The following PTPRK variants were observed in gnomAD, a reference collection of about 807,000 sequenced individuals.
The protein encoded by PTPRK is protein tyrosine phosphatase receptor type K.
PTPRK carries 75 observed loss-of-function variants against 178.0 expected under a neutral mutation model. That is an observed-to-expected ratio of 0.42 (90% confidence interval 0.35 to 0.51). The LOEUF is 0.51. Among genes scored for constraint, PTPRK ranks in the 20% least tolerant of loss-of-function variants. The pLI, the probability that PTPRK is intolerant of heterozygous loss-of-function variation, is 0.02. For synonymous variants in PTPRK, 637 were observed against 620.6 expected (o/e 1.03, Z -0.39); for missense variants, 1,441 against 1,797.8 (o/e 0.80, Z 3.59).
intron 13 of PTPRK, chr6:128,063,408 G>T (rs1781205585): frequency 6.6e-6 from 1 of 152,096 alleles, no homozygotes; most frequent in Admixed American, 6.5e-5. Context: ...GAATAAAAAA[G>T]TTATGTTAGG....
At chr6:128,478,423 T>G (rs1851645433) in intron 1 of PTPRK, among the ~76,000 whole-genome samples, 1 of 152,138 alleles carries the variant, frequency 6.6e-6, no homozygotes, top group African/African-American at 2.4e-5. Context: ...GGAACTGCTC[T>G]AACCTTCTTT....
chr6:128,210,284 C>G (rs1052982126), intron 6 of PTPRK, among the ~76,000 whole-genome samples: 1 of 151,752 alleles, frequency 6.6e-6, no homozygotes, highest in Non-Finnish European at 1.5e-5. Context: ...ATCTTTGAGA[C>G]CATTCTCTTG....
rs560286671 is a variant in PTPRK, at chr6:128,101,060, G to A, written c.1163-11068C>T. ...CCTTTGTTTCCATAAATATGTCCTG[G>A]TAGGGCTACATTTTGAAGTATTATG... On this transcript the variant is annotated intron_variant, in intron 7 of 29. Transcript: ENST00000368226. Among the ~76,000 whole-genome samples the A allele has an allele frequency of 6.1e-4, 92 of 152,012 alleles. 1 individual carries two copies. The highest frequency in any genetic ancestry group is 2.1e-3 in the African/African-American group (88 of 41,512).
At chr6:128,289,702 GCCACCGTAATATA>G (rs1823062601) in intron 3 of PTPRK, among the ~76,000 whole-genome samples, 1 of 151,846 alleles carries the variant, frequency 6.6e-6, no homozygotes, top group Admixed American at 6.6e-5. Context: ...TTTGACCTTT[GCCACCGTAATATA>G]CTTTATGGAG....
chr6:128,457,991 T>C (rs1434683242), intron 1 of PTPRK, among the ~76,000 whole-genome samples: 2 of 152,128 alleles, frequency 1.3e-5, no homozygotes, highest in Non-Finnish European at 2.9e-5. Context: ...TTTCCACATG[T>C]ACTGCCCTCA....
intron 7 of PTPRK, among the ~76,000 whole-genome samples, chr6:128,162,735 A>T (rs913007777): frequency 6.6e-6 from 1 of 151,694 alleles, no homozygotes; most frequent in African/African-American, 2.4e-5. Flanking sequence ...TATTGATAAG[A>T]TCTGTAGAGA....
chr6:128,466,719 A>C (rs1849891069), intron 1 of PTPRK, among the ~76,000 whole-genome samples: 1 of 152,232 alleles, frequency 6.6e-6, no homozygotes. Flanking sequence ...GGCTCATTTT[A>C]ATTGAATATA....
chr6:128,001,285 C>A, intron 15 of PTPRK: 1 of 1,136,404 alleles, frequency 8.8e-7, no homozygotes, highest in South Asian at 1.5e-5. Flanking sequence ...CCTTTTAAAT[C>A]AGTAAGTATT....
At chr6:128,375,716 T>G (rs2128352055) in intron 2 of PTPRK, among the ~76,000 whole-genome samples, 1 of 152,286 alleles carries the variant, frequency 6.6e-6, no homozygotes, top group Admixed American at 6.5e-5. Context: ...ACAAGGAAAG[T>G]TCCTTCCATC....
At chr6:128,105,458 G>C (rs1366416662) in intron 7 of PTPRK, among the ~76,000 whole-genome samples, 1 of 152,140 alleles carries the variant, frequency 6.6e-6, no homozygotes, top group Non-Finnish European at 1.5e-5. Context: ...CTTATTCAGT[G>C]CTAAGTGTAG....
chr6:128,231,258 G>A (rs1332638843), intron 5 of PTPRK, among the ~76,000 whole-genome samples: 1 of 152,072 alleles, frequency 6.6e-6, no homozygotes, highest in African/African-American at 2.4e-5. Context: ...TATACCAATG[G>A]CCCAATGAAA....
At chr6:128,040,043 A>G (rs1776909627) in intron 13 of PTPRK, among the ~76,000 whole-genome samples, 1 of 152,200 alleles carries the variant, frequency 6.6e-6, no homozygotes, top group Admixed American at 6.6e-5. Flanking sequence ...ATCATCGCTA[A>G]GAAGTACTGT....
At chr6:128,455,638 T>A (rs1373001318) in intron 1 of PTPRK, among the ~76,000 whole-genome samples, 1 of 152,180 alleles carries the variant, frequency 6.6e-6, no homozygotes, top group Admixed American at 6.5e-5. Context: ...CCCATTTCTC[T>A]ACCTCTCCTT....
chr6:128,448,844 TTGTTTGTC>T (rs1847371700), intron 1 of PTPRK, among the ~76,000 whole-genome samples: 1 of 152,026 alleles, frequency 6.6e-6, no homozygotes, highest in East Asian at 1.9e-4. Context: ...CCAGTTTTGT[TTGTTTGTC>T]TGTTTGTTTT....
At chr6:128,438,078 A>C (rs373107859) in intron 1 of PTPRK, among the ~76,000 whole-genome samples, 3 of 152,194 alleles carry the variant, frequency 2.0e-5, no homozygotes, top group Non-Finnish European at 4.4e-5. Context: ...TGGATGAAAA[A>C]ATATCCGGGT....
intron 7 of PTPRK, among the ~76,000 whole-genome samples, chr6:128,108,667 T>C (rs1195964523): frequency 6.6e-6 from 1 of 152,172 alleles, no homozygotes; most frequent in Non-Finnish European, 1.5e-5. Flanking sequence ...TAAGTAATGA[T>C]ATACAAAGAA....
chr6:127,973,965 T>G, intron 27 of PTPRK, 138 bp from the exon 28 acceptor site: 1 of 753,892 alleles, frequency 1.3e-6, no homozygotes, highest in Non-Finnish European at 2.0e-6. Context: ...AATATGTACA[T>G]GCTAGTAAAA....
At chr6:128,291,868 G>A (rs1275932288) in intron 3 of PTPRK, among the ~76,000 whole-genome samples, 1 of 152,060 alleles carries the variant, frequency 6.6e-6, no homozygotes, top group Non-Finnish European at 1.5e-5. Flanking sequence ...GCCCTGGTAG[G>A]CATTTGTTTT....
intron 1 of PTPRK, among the ~76,000 whole-genome samples, chr6:128,506,997 C>T (rs1380467231): frequency 5.9e-5 from 9 of 152,138 alleles, no homozygotes; most frequent in Admixed American, 3.3e-4. Flanking sequence ...AGCACTGTAA[C>T]TCAATATTTC....
Sources: allele counts gnomAD v4.1 joint callset (sites outside exome capture counted in the v4.1 genomes callset), GRCh38; gene constraint gnomAD v4.1.1; transcripts MANE v1.5; gene names NCBI Gene and HGNC (gene_info 2026-07-23, HGNC 2026-07-21).